Variants in CNTNAP2 observed in about 807,000 individuals in gnomAD.
CNTNAP2 encodes contactin-associated protein-like 2.
In CNTNAP2, 98 loss-of-function variants were observed where a neutral mutation model predicts 155.2. That is an observed-to-expected ratio of 0.63 (90% CI 0.54 to 0.75). CNTNAP2 has a LOEUF of 0.75. CNTNAP2 is among the 30% of genes least tolerant of loss of function. The pLI is 0.00. For missense variants in CNTNAP2, 1,727 were observed against 1,688.1 expected, an observed-to-expected ratio of 1.02 and a Z score of -0.40; for synonymous variants, 651 against 631.2, an observed-to-expected ratio of 1.03 and a Z score of -0.47.
intron 18 of CNTNAP2, among the ~76,000 whole-genome samples, chr7:148,188,022 G>A (rs1795147500): frequency 6.6e-6 from 1 of 151,452 alleles, no homozygotes; most frequent in African/African-American, 2.4e-5. Flanking sequence ...CACACACAAA[G>A]CCACCCACTA....
At chr7:146,548,127 C>G (rs113334539) in intron 1 of CNTNAP2, among the ~76,000 whole-genome samples, 2,143 of 152,030 alleles carry the variant, frequency 0.014, 44 homozygotes, top group African/African-American at 0.048. Flanking sequence ...CCTCCACTCT[C>G]TTTTGAAAGG....
At chr7:147,949,504 A>C (rs1323287653) in intron 14 of CNTNAP2, among the ~76,000 whole-genome samples, 1 of 150,366 alleles carries the variant, frequency 6.7e-6, no homozygotes, top group Non-Finnish European at 1.5e-5. Flanking sequence ...CTCTCTCCAA[A>C]GCTATAATCC....
At chr7:146,469,540 T>A (rs1263015340) in intron 1 of CNTNAP2, among the ~76,000 whole-genome samples, 1 of 143,466 alleles carries the variant, frequency 7.0e-6, no homozygotes, top group Admixed American at 6.8e-5. Context: ...TTTTTTTTTT[T>A]AAGATGGAAT....
In CNTNAP2 at chr7:148,158,222, C is replaced by CTTTTTTTTTTTTTTTTTTTT. The variant is rs1224617335; in HGVS notation, c.2773+10532_2773+10533insTTTTTTTTTTTTTTTTTTTT. ...AGTGATGATAGGTACAATGTTTGCG[C>CTTTTTTTTTTTTTTTTTTTT]TTTTTTTTTTTTTTTTTTTGAGACA... On this transcript the variant is annotated intron_variant, in intron 17 of 23. Coordinates refer to ENST00000361727, the MANE Select transcript of CNTNAP2 (RefSeq NM_014141.6). Among the ~76,000 whole-genome samples the CTTTTTTTTTTTTTTTTTTTT allele has an allele frequency of 4.2e-5, 4 of 94,800 alleles. 1 individual carries two copies. The highest frequency in any genetic ancestry group is 9.9e-5 in the African/African-American group (2 of 20,114). The allele number at this position is 94,800 out of a possible 152,430, so 62.2% of individuals were successfully genotyped here.
chr7:147,897,376 C>A (rs1799794511), intron 13 of CNTNAP2, among the ~76,000 whole-genome samples: 1 of 152,158 alleles, frequency 6.6e-6, no homozygotes. Context: ...ACAAAGGAGT[C>A]ATCTGCTAGA....
chr7:147,771,738 T>C (rs1210174572), intron 13 of CNTNAP2, among the ~76,000 whole-genome samples: 1 of 152,220 alleles, frequency 6.6e-6, no homozygotes, highest in Non-Finnish European at 1.5e-5. Flanking sequence ...TCAAGTCAGA[T>C]GCGGTCTTAA....
chr7:147,268,762 C>G (rs1436386158), intron 8 of CNTNAP2, among the ~76,000 whole-genome samples: 1 of 152,092 alleles, frequency 6.6e-6, no homozygotes, highest in Non-Finnish European at 1.5e-5. Context: ...GAGATTTAAA[C>G]TATACAGTCC....
chr7:148,168,110 G>T (rs1490990025), intron 17 of CNTNAP2, among the ~76,000 whole-genome samples: 7 of 152,052 alleles, frequency 4.6e-5, no homozygotes, highest in Non-Finnish European at 2.9e-5. Flanking sequence ...TTACACTGTT[G>T]GTGGGACTGT....
chr7:146,117,936 TAAAG>T (rs1797510308), intron 1 of CNTNAP2, among the ~76,000 whole-genome samples: 1 of 152,206 alleles, frequency 6.6e-6, no homozygotes, highest in Admixed American at 6.5e-5. Context: ...AGTAAGTTGA[TAAAG>T]AATTATCGTG....
At position 148,098,444 on chromosome 7, in the gene CNTNAP2, GAAAAAAAAAA is replaced by G. The variant is rs61014019; in HGVS notation, c.2384-19658_2384-19649del. Among the ~76,000 whole-genome samples, 40 of 56,404 alleles carry G rather than the reference GAAAAAAAAAA, an allele frequency of 7.1e-4. No homozygotes were observed. The East Asian group carries it at 0.02, about 28-fold the overall frequency. 37.0% of individuals were successfully genotyped at this position (56,404 alleles called of 152,430 possible). On this transcript the variant is annotated intron_variant, in intron 15 of 23. Coordinates refer to ENST00000361727, the MANE Select transcript of CNTNAP2 (RefSeq NM_014141.6). ...GGTGACAGAGCGAGACTCTGTCTCA[GAAAAAAAAAA>G]AAAAAAAAAAAAAAAGCATGCTTGT... is the stretch of plus-strand genomic sequence containing the variant.
intron 1 of CNTNAP2, among the ~76,000 whole-genome samples, chr7:146,147,047 G>A (rs1469268154): frequency 6.6e-6 from 1 of 152,090 alleles, no homozygotes; most frequent in African/African-American, 2.4e-5. Flanking sequence ...ATTGAATACA[G>A]ACTTTAATTT....
intron 1 of CNTNAP2, among the ~76,000 whole-genome samples, chr7:146,168,929 C>G (rs904348201): frequency 1.3e-5 from 2 of 152,100 alleles, no homozygotes; most frequent in African/African-American, 4.8e-5. Flanking sequence ...TACATTACCT[C>G]TTCCCTCATA....
chr7:147,325,377 A>ATATCCATT (rs1356199265), intron 9 of CNTNAP2, among the ~76,000 whole-genome samples: 1 of 152,206 alleles, frequency 6.6e-6, no homozygotes, highest in African/African-American at 2.4e-5. Flanking sequence ...GTGGTATAAT[A>ATATCCATT]TATCCATTTA....
chr7:147,671,340 T>C (rs963500420), intron 13 of CNTNAP2, among the ~76,000 whole-genome samples: 22 of 152,118 alleles, frequency 1.4e-4, no homozygotes, highest in Non-Finnish European at 2.8e-4. Context: ...TAACAAAGTG[T>C]AGAGGAGGAC....
At chr7:146,525,998 G>C (rs190659739) in intron 1 of CNTNAP2, among the ~76,000 whole-genome samples, 1 of 152,108 alleles carries the variant, frequency 6.6e-6, no homozygotes, top group Non-Finnish European at 1.5e-5. Context: ...GAGACAAAGA[G>C]AGCATATACA....
intron 12 of CNTNAP2, among the ~76,000 whole-genome samples, chr7:147,569,482 G>A (rs977842818): frequency 6.6e-6 from 1 of 152,108 alleles, no homozygotes; most frequent in Non-Finnish European, 1.5e-5. Flanking sequence ...GATTATAATG[G>A]TGTATGTTTA....
intron 1 of CNTNAP2, among the ~76,000 whole-genome samples, chr7:146,730,167 G>A (rs892761049): frequency 3.3e-5 from 5 of 152,058 alleles, no homozygotes; most frequent in African/African-American, 1.2e-4. Context: ...AACATACTGA[G>A]ACTTTGATGA....
chr7:146,665,212 A>G (rs1211282308), intron 1 of CNTNAP2, among the ~76,000 whole-genome samples: 2 of 152,014 alleles, frequency 1.3e-5, no homozygotes, highest in Admixed American at 1.3e-4. Context: ...GCCTCCCAAA[A>G]TGTTGGGATT....
At chr7:147,973,936 T>A (rs1801381196) in intron 14 of CNTNAP2, among the ~76,000 whole-genome samples, 1 of 152,176 alleles carries the variant, frequency 6.6e-6, no homozygotes, top group Non-Finnish European at 1.5e-5. Context: ...TAATGAATCA[T>A]GATATTAAAT....
Sources: allele counts gnomAD v4.1 joint callset (sites outside exome capture counted in the v4.1 genomes callset), GRCh38; gene constraint gnomAD v4.1.1; transcripts MANE v1.5; gene names NCBI Gene and HGNC (gene_info 2026-07-23, HGNC 2026-07-21).